The following GLI3 variants were observed in gnomAD, a reference collection of about 807,000 sequenced individuals.
GLI3 encodes the protein transcription activator GLI3.
Under a neutral mutation model 100.8 loss-of-function variants are expected in GLI3, and 20 were observed. That is an observed-to-expected ratio of 0.20 (90% CI 0.14 to 0.29). The LOEUF is 0.29. Ranked by LOEUF, GLI3 falls within the 10% of genes least tolerant of loss-of-function variation. GLI3 has a pLI of 1.00. For synonymous variants in GLI3, 938 were observed against 860.5 expected, an observed-to-expected ratio of 1.09 and a Z score of -1.58; for missense variants, 2,040 against 2,128.5, an observed-to-expected ratio of 0.96 and a Z score of 0.82.
chr7:42,202,333 C>G (rs1788057221), intron 2 of GLI3, among the ~76,000 whole-genome samples: 1 of 33,244 alleles, frequency 3.0e-5, no homozygotes, highest in Non-Finnish European at 8.2e-5. Flanking sequence ...CTCTCTCTCT[C>G]TCTCTCTCTC....
chr7:42,025,469 G>A (rs371135330), intron 8 of GLI3, 92 bp from the exon 9 acceptor site: 20 of 871,978 alleles, frequency 2.3e-5, no homozygotes, highest in South Asian at 4.0e-5. Flanking sequence ...CGGGACAAGC[G>A]GTCTTATTTG....
chr7:42,134,497 C>A (rs990899298), intron 3 of GLI3, among the ~76,000 whole-genome samples: 5 of 152,082 alleles, frequency 3.3e-5, no homozygotes, highest in African/African-American at 1.2e-4. Context: ...GCTCAGAGGG[C>A]AAACCCACAA....
At chr7:42,108,878 C>T (rs182642234) in intron 3 of GLI3, among the ~76,000 whole-genome samples, 4 of 152,208 alleles carry the variant, frequency 2.6e-5, no homozygotes, top group South Asian at 2.1e-4. Flanking sequence ...ATCCTTTGCA[C>T]GACGTCCCCA....
intron 1 of GLI3, among the ~76,000 whole-genome samples, chr7:42,259,603 G>A (rs35628671): frequency 6.6e-6 from 1 of 152,162 alleles, no homozygotes; most frequent in Admixed American, 6.5e-5. Flanking sequence ...CATGATATTA[G>A]CATTCAGTCT....
rs1186240125 is a variant in GLI3 at position 41,966,698 on chromosome 7, T to C, written c.2432-57A>G. Reference sequence around the variant, plus strand: ...AGATGAATTCCCTTCGAGCATGACTTACACCAGGCATGAGCAACCCTTTTC... The same window carrying C: ...AGATGAATTCCCTTCGAGCATGACTCACACCAGGCATGAGCAACCCTTTTC... On this transcript the variant is annotated intron_variant, in intron 14 of 14. Coordinates refer to ENST00000395925, the MANE Select transcript of GLI3 (RefSeq NM_000168.6). This position sits in a 1 kb window ranked among gnomAD's most constrained non-coding sequence, Gnocchi z 5.8. 6 of 1,577,540 alleles carry C rather than the reference T, an allele frequency of 3.8e-6. No homozygotes were observed. In the Admixed American group the frequency reaches 1.0e-4, roughly 26 times the overall value.
chr7:42,120,067 G>A (rs1785958602), intron 3 of GLI3, among the ~76,000 whole-genome samples: 1 of 152,146 alleles, frequency 6.6e-6, no homozygotes, highest in Admixed American at 6.5e-5. Context: ...GGCTGCTTAT[G>A]GATGCAACTT....
intron 2 of GLI3, among the ~76,000 whole-genome samples, chr7:42,165,136 G>A (rs867113847): frequency 4.6e-5 from 7 of 150,718 alleles, no homozygotes; most frequent in African/African-American, 9.7e-5. Flanking sequence ...TTAGCCAGGC[G>A]TGGAGATTGC....
intron 2 of GLI3, among the ~76,000 whole-genome samples, chr7:42,184,432 A>G (rs532503397): frequency 6.6e-6 from 1 of 152,216 alleles, no homozygotes; most frequent in East Asian, 1.9e-4. Context: ...TCCACCTGGT[A>G]CCTTCATGTT....
intron 2 of GLI3, 53 bp from the exon 3 acceptor site, chr7:42,148,521 A>T (rs1786778482): frequency 2.0e-6 from 3 of 1,535,186 alleles, no homozygotes; most frequent in Admixed American, 1.7e-5. Flanking sequence ...AGGAGCAATT[A>T]AAAAACCATG....
chr7:42,138,933 G>C (rs77423011), intron 3 of GLI3, among the ~76,000 whole-genome samples: 12 of 152,278 alleles, frequency 7.9e-5, no homozygotes, highest in African/African-American at 2.9e-4. Context: ...AGTCTCCTCC[G>C]GGGTCCCATC....
chr7:42,261,680 A>G (rs1789141584), intron 1 of GLI3, among the ~76,000 whole-genome samples: 1 of 152,222 alleles, frequency 6.6e-6, no homozygotes, highest in Admixed American at 6.5e-5. Flanking sequence ...TAGTTATACT[A>G]GGTCTTACTA....
intron 3 of GLI3, among the ~76,000 whole-genome samples, chr7:42,128,968 C>A (rs1345004644): frequency 6.6e-6 from 1 of 152,136 alleles, no homozygotes; most frequent in African/African-American, 2.4e-5. Context: ...TGCAGTCTAG[C>A]AGAAATGCAA....
intron 6 of GLI3, among the ~76,000 whole-genome samples, chr7:42,045,124 T>G (rs1784218874): frequency 6.6e-6 from 1 of 152,138 alleles, no homozygotes; most frequent in Admixed American, 6.6e-5. Context: ...CCAGCTAATA[T>G]TTATATATCG....
chr7:42,078,605 G>A (rs1784929996), intron 3 of GLI3, among the ~76,000 whole-genome samples: 1 of 152,118 alleles, frequency 6.6e-6, no homozygotes, highest in African/African-American at 2.4e-5. Flanking sequence ...GGAGTGGGGG[G>A]CATGGAAAGA....
intron 1 of GLI3, among the ~76,000 whole-genome samples, chr7:42,228,901 G>A (rs1788637993): frequency 6.6e-6 from 1 of 152,140 alleles, no homozygotes; most frequent in Non-Finnish European, 1.5e-5. Flanking sequence ...TCAACAACCA[G>A]AGGCTTTCTG....
At chr7:42,155,241 AC>A (rs1394712951) in intron 2 of GLI3, among the ~76,000 whole-genome samples, 1 of 152,072 alleles carries the variant, frequency 6.6e-6, no homozygotes, top group Non-Finnish European at 1.5e-5. Flanking sequence ...GGAGTTCAAG[AC>A]CAGCCTGACC....
At chr7:42,101,389 C>T (rs1014396973) in intron 3 of GLI3, among the ~76,000 whole-genome samples, 2 of 152,090 alleles carry the variant, frequency 1.3e-5, no homozygotes, top group African/African-American at 4.8e-5. Context: ...CTGCTTGAGT[C>T]CAAGAGTTCG....
chr7:42,065,373 G>A (rs1042441797), intron 4 of GLI3, among the ~76,000 whole-genome samples: 8 of 151,766 alleles, frequency 5.3e-5, no homozygotes, highest in East Asian at 1.9e-4. Flanking sequence ...AAAAACAACT[G>A]AATGTACCCT....
intron 10 of GLI3, among the ~76,000 whole-genome samples, chr7:41,995,388 A>C (rs1325866295): frequency 6.6e-6 from 1 of 152,078 alleles, no homozygotes; most frequent in Non-Finnish European, 1.5e-5. Flanking sequence ...GCTTTGGCTC[A>C]TGCCAACTCT....
Sources: allele counts gnomAD v4.1 joint callset (sites outside exome capture counted in the v4.1 genomes callset), GRCh38; gene constraint gnomAD v4.1.1; non-coding constraint Gnocchi (gnomAD v3.1); transcripts MANE v1.5; gene names NCBI Gene and HGNC (gene_info 2026-07-23, HGNC 2026-07-21).